Variants in MTHFD2L observed in about 807,000 individuals in gnomAD.
The protein encoded by MTHFD2L is bifunctional methylenetetrahydrofolate dehydrogenase/cyclohydrolase 2, mitochondrial.
MTHFD2L carries 29 observed loss-of-function variants against 34.9 expected under a neutral mutation model. That is an observed-to-expected ratio of 0.83 (90% CI 0.62 to 1.13). The LOEUF (loss-of-function observed/expected upper bound fraction) is 1.13. MTHFD2L is among the 50% of genes most tolerant of loss of function. MTHFD2L has a pLI of 0.00. For synonymous variants in MTHFD2L, 167 were observed against 155.7 expected (o/e 1.07, Z -0.54); for missense variants, 481 against 446.5 (o/e 1.08, Z -0.70).
chr4:74,256,185 A>G (rs959060843), intron 6 of MTHFD2L, among the ~76,000 whole-genome samples: 8 of 152,178 alleles, frequency 5.3e-5, no homozygotes, highest in East Asian at 1.9e-4. Flanking sequence ...TTTTCATAAT[A>G]GCCATTCTGT....
intron 3 of MTHFD2L, among the ~76,000 whole-genome samples, chr4:74,177,592 A>G (rs920469644): frequency 6.6e-6 from 1 of 152,038 alleles, no homozygotes; most frequent in Non-Finnish European, 1.5e-5. Context: ...GCTGTTATCA[A>G]GAAAATGAGG....
At chr4:74,118,967 G>T (rs1380737186), upstream of MTHFD2L, among the ~76,000 whole-genome samples, 1 of 152,182 alleles carries the variant, frequency 6.6e-6, no homozygotes, top group African/African-American at 2.4e-5. Context: ...GAGCTGAGGT[G>T]GTGATGCTAG....
intron 5 of MTHFD2L, 90 bp from the exon 6 acceptor site, chr4:74,225,212 A>T: frequency 1.0e-6 from 1 of 989,096 alleles, no homozygotes; most frequent in Admixed American, 2.3e-5. Flanking sequence ...TTCTATTCTT[A>T]GGAAATAAGT....
chr4:74,247,848 T>G (rs1364982309), intron 6 of MTHFD2L, among the ~76,000 whole-genome samples: 1 of 152,186 alleles, frequency 6.6e-6, no homozygotes, highest in Non-Finnish European at 1.5e-5. Flanking sequence ...TCATGGTGGA[T>G]AAGCTTTTTG....
At chr4:74,201,444 G>C (rs933676987) in intron 5 of MTHFD2L, 74 bp downstream of exon 5, 2 of 1,062,720 alleles carry the variant, frequency 1.9e-6, no homozygotes, top group Non-Finnish European at 2.8e-6. Context: ...AAACACTTTT[G>C]ATAATGCAGC....
intron 6 of MTHFD2L, among the ~76,000 whole-genome samples, chr4:74,264,053 A>G (rs1479338832): frequency 6.6e-6 from 1 of 152,026 alleles, no homozygotes; most frequent in Non-Finnish European, 1.5e-5. Flanking sequence ...ATAGAAGGGG[A>G]CTTCCCAACC....
At chr4:74,268,019 A>G in intron 6 of MTHFD2L, 1 of 985,216 alleles carries the variant, frequency 1.0e-6, no homozygotes, top group Admixed American at 6.2e-5. Flanking sequence ...TTCTCATGAC[A>G]GGCATGATAG....
intron 6 of MTHFD2L, among the ~76,000 whole-genome samples, chr4:74,262,534 A>T (rs1195378389): frequency 2.6e-5 from 4 of 152,132 alleles, no homozygotes; most frequent in South Asian, 2.1e-4. Context: ...ATATGTTTTT[A>T]AAAATATGGT....
intron 1 of MTHFD2L, among the ~76,000 whole-genome samples, chr4:74,147,508 C>T (rs958071711): frequency 1.3e-5 from 2 of 152,164 alleles, no homozygotes; most frequent in African/African-American, 4.8e-5. Flanking sequence ...TCTACTTCTC[C>T]CCTTTTGTCT....
At chr4:74,255,050 G>T (rs530924668) in intron 6 of MTHFD2L, among the ~76,000 whole-genome samples, 1 of 141,748 alleles carries the variant, frequency 7.1e-6, no homozygotes, top group Admixed American at 7.7e-5. Flanking sequence ...CAGGAGAATC[G>T]CTTGAACCAG....
At chr4:74,259,050 A>G (rs1323349507) in intron 6 of MTHFD2L, among the ~76,000 whole-genome samples, 1 of 152,214 alleles carries the variant, frequency 6.6e-6, no homozygotes, top group Non-Finnish European at 1.5e-5. Context: ...AGTCTGTGGC[A>G]TTTGAGCCAT....
chr4:74,258,076 AG>A (rs933090998), intron 6 of MTHFD2L, among the ~76,000 whole-genome samples: 5 of 152,126 alleles, frequency 3.3e-5, no homozygotes, highest in African/African-American at 7.2e-5. Context: ...GAAAAAAAAA[AG>A]GTTACAAATG....
At chr4:74,137,281 A>G (rs1223314061) in intron 1 of MTHFD2L, among the ~76,000 whole-genome samples, 1 of 152,152 alleles carries the variant, frequency 6.6e-6, no homozygotes, top group African/African-American at 2.4e-5. Context: ...AAAAATGTAA[A>G]CCTTAATTTA....
intron 6 of MTHFD2L, chr4:74,241,995 A>G (rs1741786632): frequency 1.3e-5 from 2 of 153,424 alleles, no homozygotes; most frequent in Non-Finnish European, 2.9e-5. Context: ...GTGTGGCTGT[A>G]ATAAGGCAAC....
chr4:74,299,975 C>T (rs1356816349), intron 7 of MTHFD2L, among the ~76,000 whole-genome samples: 1 of 151,908 alleles, frequency 6.6e-6, no homozygotes, highest in Non-Finnish European at 1.5e-5. Context: ...TAATGAGTTT[C>T]TTGTTTGGAT....
At chr4:74,259,552 A>G (rs1254052932) in intron 6 of MTHFD2L, among the ~76,000 whole-genome samples, 2 of 152,206 alleles carry the variant, frequency 1.3e-5, no homozygotes, top group Non-Finnish European at 2.9e-5. Flanking sequence ...TTTGAAAAAC[A>G]GGTAGTCTGC....
intron 3 of MTHFD2L, among the ~76,000 whole-genome samples, chr4:74,188,922 G>T (rs1731932572): frequency 6.6e-6 from 1 of 151,592 alleles, no homozygotes; most frequent in South Asian, 2.1e-4. Context: ...TATCAAAAAT[G>T]CAAATCTACT....
chr4:74,261,610 T>C (rs1744690239), intron 6 of MTHFD2L, among the ~76,000 whole-genome samples: 1 of 152,080 alleles, frequency 6.6e-6, no homozygotes, highest in East Asian at 1.9e-4. Context: ...AAAGATTTAT[T>C]CCACAAAAGC....
chr4:74,133,313 GGT>G (rs953986800), intron 1 of MTHFD2L, among the ~76,000 whole-genome samples: 6 of 151,974 alleles, frequency 3.9e-5, no homozygotes, highest in Non-Finnish European at 8.8e-5. Context: ...GAATCTGTTT[GGT>G]GTTCCCTGAC....
Sources: gnomAD v4.1 joint callset for allele counts (sites outside exome capture counted in the v4.1 genomes callset) on GRCh38, gnomAD v4.1.1 for gene constraint, MANE v1.5 for transcripts, NCBI Gene and HGNC (gene_info 2026-07-23, HGNC 2026-07-21) for gene names.